ADAMTSL1: variants seen among roughly 807,000 people sequenced by gnomAD.
The protein encoded by ADAMTSL1 is ADAMTS like 1, also known as ADAMTS-like protein 1.
A neutral mutation model predicts 201.8 loss-of-function variants in ADAMTSL1; 126 were observed. The ratio of observed to expected loss-of-function variants is 0.62; its 90% CI spans 0.54 to 0.72. The LOEUF is 0.72. Ranked by LOEUF, ADAMTSL1 falls within the 30% of genes least tolerant of loss-of-function variation. The pLI is 0.00. For synonymous variants in ADAMTSL1, 1,121 were observed against 903.4 expected, an observed-to-expected ratio of 1.24 and a Z score of -4.32; for missense variants, 2,679 against 2,277.8, an observed-to-expected ratio of 1.18 and a Z score of -3.59.
intron 23 of ADAMTSL1, among the ~76,000 whole-genome samples, chr9:18,848,374 C>T (rs923726855): frequency 1.3e-5 from 2 of 152,186 alleles, no homozygotes; most frequent in African/African-American, 2.4e-5. Flanking sequence ...GGAAATATGG[C>T]GTGCTTAATC....
At chr9:18,316,177 C>T (rs564599736) in intron 2 of ADAMTSL1, among the ~76,000 whole-genome samples, 8 of 152,202 alleles carry the variant, frequency 5.3e-5, no homozygotes, top group Non-Finnish European at 1.0e-4. Flanking sequence ...AATAGAATAT[C>T]ACAAGGCAAG....
intron 20 of ADAMTSL1, among the ~76,000 whole-genome samples, chr9:18,813,632 T>C (rs1296199385): frequency 1.3e-5 from 2 of 152,248 alleles, no homozygotes; most frequent in Admixed American, 6.5e-5. Context: ...ACTATTAGTA[T>C]ATAAAAACAC....
chr9:18,541,381 G>C (rs1032908895), intron 3 of ADAMTSL1, among the ~76,000 whole-genome samples: 3 of 151,988 alleles, frequency 2.0e-5, no homozygotes, highest in African/African-American at 7.2e-5. Context: ...GTTGTGGTGG[G>C]CACCTGTAAT....
chr9:17,929,522 C>T (rs1308490936), intron 1 of ADAMTSL1, among the ~76,000 whole-genome samples: 1 of 152,060 alleles, frequency 6.6e-6, no homozygotes, highest in Non-Finnish European at 1.5e-5. Flanking sequence ...GGTTCCCTCA[C>T]TCCTCTTCCT....
chr9:18,304,324 C>G (rs1039864021), intron 2 of ADAMTSL1, among the ~76,000 whole-genome samples: 2 of 150,456 alleles, frequency 1.3e-5, no homozygotes, highest in Non-Finnish European at 3.0e-5. Context: ...TGAGGGGCCT[C>G]AAGGAATAGA....
chr9:18,170,229 T>C (rs962603972), intron 2 of ADAMTSL1, among the ~76,000 whole-genome samples: 1 of 152,038 alleles, frequency 6.6e-6, no homozygotes, highest in Non-Finnish European at 1.5e-5. Context: ...CATTTTCTGA[T>C]TTTACTTTGT....
intron 1 of ADAMTSL1, among the ~76,000 whole-genome samples, chr9:18,160,662 CT>C (rs907192556): frequency 6.8e-6 from 1 of 147,698 alleles, no homozygotes; most frequent in Non-Finnish European, 1.5e-5. Flanking sequence ...TTCTTTATTT[CT>C]TTTTTTAATT....
chr9:18,303,786 C>T (rs1283268257), intron 2 of ADAMTSL1, among the ~76,000 whole-genome samples: 1 of 152,132 alleles, frequency 6.6e-6, no homozygotes, highest in East Asian at 1.9e-4. Flanking sequence ...ATGGATTTAG[C>T]AGTGATATTT....
chr9:18,127,291 C>G (rs962484209), intron 1 of ADAMTSL1, among the ~76,000 whole-genome samples: 1 of 152,088 alleles, frequency 6.6e-6, no homozygotes, highest in African/African-American at 2.4e-5. Flanking sequence ...CTACCTAGAC[C>G]ACCTGATGGA....
intron 19 of ADAMTSL1, among the ~76,000 whole-genome samples, chr9:18,794,056 G>C (rs1822215744): frequency 6.6e-6 from 1 of 151,708 alleles, no homozygotes; most frequent in Non-Finnish European, 1.5e-5. Flanking sequence ...AGTAGACTGT[G>C]ATTATTCTGG....
chr9:18,291,081 C>T (rs914537870), intron 2 of ADAMTSL1, among the ~76,000 whole-genome samples: 1 of 152,108 alleles, frequency 6.6e-6, no homozygotes, highest in African/African-American at 2.4e-5. Flanking sequence ...GCACCCGGGC[C>T]ACTAAAGCTG....
intron 4 of ADAMTSL1, among the ~76,000 whole-genome samples, chr9:18,604,339 A>G (rs528833647): frequency 4.9e-4 from 74 of 152,176 alleles, no homozygotes; most frequent in Non-Finnish European, 9.6e-4. Flanking sequence ...AAAAGAAACT[A>G]TTATTTCTAA....
chr9:18,118,039 G>C (rs1372443332), intron 1 of ADAMTSL1, among the ~76,000 whole-genome samples: 1 of 152,094 alleles, frequency 6.6e-6, no homozygotes, highest in Non-Finnish European at 1.5e-5. Flanking sequence ...AATCCATCAT[G>C]AATGTATTGT....
chr9:18,867,971 ATGTATTCACCT>A (rs1371340537), intron 23 of ADAMTSL1, among the ~76,000 whole-genome samples: 3 of 152,092 alleles, frequency 2.0e-5, no homozygotes, highest in Non-Finnish European at 4.4e-5. Flanking sequence ...ACACACACCC[ATGTATTCACCT>A]TGTCTAACAT....
At chr9:18,682,596 G>A (rs894715486) in intron 12 of ADAMTSL1, among the ~76,000 whole-genome samples, 1 of 152,082 alleles carries the variant, frequency 6.6e-6, no homozygotes, top group African/African-American at 2.4e-5. Flanking sequence ...TTTGATTTCT[G>A]TACAAGTATT....
intron 1 of ADAMTSL1, among the ~76,000 whole-genome samples, chr9:17,935,329 A>G (rs1368207721): frequency 2.0e-5 from 3 of 151,746 alleles, no homozygotes; most frequent in Non-Finnish European, 4.4e-5. Context: ...GGACACTTTC[A>G]TTTTTTTCCA....
chr9:18,575,698 G>T (rs942424209), intron 4 of ADAMTSL1, among the ~76,000 whole-genome samples: 3 of 152,116 alleles, frequency 2.0e-5, no homozygotes, highest in Non-Finnish European at 4.4e-5. Flanking sequence ...TTGAGTAAAA[G>T]CAAGGAAGAT....
chr9:18,559,891 G>T (rs1340457573), intron 3 of ADAMTSL1, among the ~76,000 whole-genome samples: 1 of 152,170 alleles, frequency 6.6e-6, no homozygotes, highest in Non-Finnish European at 1.5e-5. Flanking sequence ...TTGCTTATCA[G>T]CTTAAGGAGA....
intron 2 of ADAMTSL1, among the ~76,000 whole-genome samples, chr9:18,278,771 C>A (rs561452349): frequency 1.7e-4 from 26 of 152,148 alleles, no homozygotes; most frequent in African/African-American, 6.3e-4. Context: ...TTTGCTGATT[C>A]TCCTGGGAGT....
Sources: gnomAD v4.1 joint callset for allele counts (sites outside exome capture counted in the v4.1 genomes callset) on GRCh38, gnomAD v4.1.1 for gene constraint, MANE v1.5 for transcripts, NCBI Gene and HGNC (gene_info 2026-07-23, HGNC 2026-07-21) for gene names.